The following SLIT2 variants were observed in gnomAD, a reference collection of about 807,000 sequenced individuals.
SLIT2 encodes slit guidance ligand 2.
In SLIT2, 41 loss-of-function variants were observed where a neutral mutation model predicts 185.7. The observed-to-expected ratio is 0.22, with a 90% CI of 0.17 to 0.29. The LOEUF (loss-of-function observed/expected upper bound fraction) is 0.29, where lower values mean the gene tolerates loss of function less well. SLIT2 is among the 10% of genes least tolerant of loss of function. The pLI is 1.00. For synonymous variants in SLIT2, 693 were observed against 680.2 expected (o/e 1.02, Z -0.29); for missense variants, 1,571 against 1,909.0 (o/e 0.82, Z 3.30).
intron 28 of SLIT2, among the ~76,000 whole-genome samples, chr4:20,568,192 C>G (rs1232898692): frequency 6.6e-6 from 1 of 151,986 alleles, no homozygotes; most frequent in Non-Finnish European, 1.5e-5. Flanking sequence ...CATAAGAATG[C>G]TAATATACTA....
In SLIT2 at chr4:20,539,496, A is replaced by G; in HGVS notation, c.1888A>G (p.Ser630Gly). 6.2e-7 allele frequency: 1 copy of G among 1,613,790 alleles called. No homozygotes were observed. Among genetic ancestry groups the G allele is most frequent in the Non-Finnish European group, 8.5e-7 (1 of 1,179,790 alleles). Residue 630 changes from serine to glycine, a missense_variant, in exon 19 of 37, where the codon AGT becomes GGT. Ser to Gly is a moderately conservative substitution (Grantham distance 56, BLOSUM62 0). Around this residue, in one of 3 missense-constraint regions of SLIT2, gnomAD observed 1,202 missense variants for 1,416.4 expected, o/e 0.85. Transcript: ENST00000504154. ...GGGGAATGACAGTTTCATAGGACTC[A>G]GTTCTGTGCGTTTGCTTTCTTTGTA... ...CVGNDSFIGL[S>G]SVRLLSLYDN...
intron 18 of SLIT2, among the ~76,000 whole-genome samples, chr4:20,536,574 A>C (rs189598523): frequency 0.083 from 12,437 of 149,088 alleles, 718 homozygotes; most frequent in Non-Finnish European, 0.12. Context: ...AAAAAAAAAA[A>C]AAAAACAAAA....
At chr4:20,286,567 C>T (rs954481764) in intron 4 of SLIT2, among the ~76,000 whole-genome samples, 22 of 152,034 alleles carry the variant, frequency 1.4e-4, no homozygotes, top group Non-Finnish European at 2.5e-4. Context: ...TTTGGGAGGC[C>T]GAGGTGGATG....
chr4:20,276,228 T>G (rs1186218989), intron 4 of SLIT2, among the ~76,000 whole-genome samples: 2 of 152,198 alleles, frequency 1.3e-5, no homozygotes, highest in Admixed American at 6.5e-5. Flanking sequence ...CGTTTTGTTT[T>G]GTTCTTTTTT....
intron 5 of SLIT2, among the ~76,000 whole-genome samples, chr4:20,471,445 C>CAGT (rs1459333067): frequency 2.6e-5 from 4 of 152,022 alleles, no homozygotes; most frequent in Admixed American, 2.6e-4. Context: ...GAAGAAGGTA[C>CAGT]AGTACTTCAT....
intron 29 of SLIT2, chr4:20,573,192 A>G (rs767645990): frequency 2.8e-6 from 2 of 702,880 alleles, no homozygotes; most frequent in Non-Finnish European, 5.2e-6. Context: ...TTGTATTGCA[A>G]TGTAAAAAGT....
chr4:20,358,367 G>A (rs901600511), intron 4 of SLIT2, among the ~76,000 whole-genome samples: 47 of 152,212 alleles, frequency 3.1e-4, no homozygotes, highest in South Asian at 1.2e-3. Context: ...TATTTTTAAC[G>A]CAAACTAATT....
At chr4:20,589,212 A>T (rs1727307929) in intron 29 of SLIT2, among the ~76,000 whole-genome samples, 2 of 152,166 alleles carry the variant, frequency 1.3e-5, no homozygotes, top group Admixed American at 1.3e-4. Context: ...GGGTGCTGGT[A>T]CATGGTGTGT....
intron 11 of SLIT2, 36 bp from the exon 12 acceptor site, chr4:20,519,346 G>A: frequency 9.8e-7 from 1 of 1,016,782 alleles, no homozygotes; most frequent in Non-Finnish European, 1.6e-6. Context: ...TGCAGGTTTG[G>A]TGTCTAATTT....
chr4:20,468,492 A>G (rs115204064), intron 5 of SLIT2, among the ~76,000 whole-genome samples: 1,732 of 152,114 alleles, frequency 0.011, 28 homozygotes, highest in African/African-American at 0.039. Context: ...GCATTTCTGT[A>G]TTTTCCTTTG....
chr4:20,270,233 A>T (rs1713462450), intron 4 of SLIT2, among the ~76,000 whole-genome samples: 1 of 151,962 alleles, frequency 6.6e-6, no homozygotes, highest in Non-Finnish European at 1.5e-5. Context: ...AAAGGGCCAT[A>T]GAATTGGTTT....
At position 20,567,622 on chromosome 4, in the gene SLIT2, C is replaced by A; in HGVS notation, c.2948+7C>A. ...GAGAAGAAGATGGATTCTGGTAGGT[C>A]ATTAGTCTATGACCATCTGTGTCTG... On this transcript the variant is annotated splice_region_variant and intron_variant, in intron 28 of 36. Transcript: ENST00000504154. 1 of 1,597,432 alleles carries A rather than the reference C, an allele frequency of 6.3e-7. No individual in the cohort carries two copies. Among genetic ancestry groups the A allele is most frequent in the South Asian group, 1.1e-5 (1 of 90,688 alleles).
At chr4:20,426,541 G>T (rs1167083755) in intron 4 of SLIT2, among the ~76,000 whole-genome samples, 2 of 152,144 alleles carry the variant, frequency 1.3e-5, no homozygotes, top group Non-Finnish European at 2.9e-5. Flanking sequence ...AGGATCTAGA[G>T]GTTGACAGGT....
intron 30 of SLIT2, among the ~76,000 whole-genome samples, chr4:20,594,435 TAAACTC>T (rs1373743922): frequency 6.6e-6 from 1 of 151,850 alleles, no homozygotes; most frequent in Non-Finnish European, 1.5e-5. Flanking sequence ...AACCCTCTCT[TAAACTC>T]AAATCAAAAA....
At chr4:20,304,745 T>C (rs76866026) in intron 4 of SLIT2, among the ~76,000 whole-genome samples, 2,831 of 152,114 alleles carry the variant, frequency 0.019, 93 homozygotes, top group East Asian at 0.13. Context: ...GCTCAGGCCA[T>C]TTTGTAACTT....
rs750108165 is a variant in SLIT2, at chr4:20,541,587, A to T, written c.2111A>T (p.Asp704Val). 1.9e-6 allele frequency: 3 copies of T among 1,613,952 alleles called. No homozygotes were observed. The highest frequency in any genetic ancestry group is 8.5e-7 in the Non-Finnish European group (1 of 1,179,938). Residue 704 changes from aspartate to valine, a missense_variant, in exon 20 of 37, where the codon GAT becomes GTT. Transcript: ENST00000504154. Reference protein sequence around the residue: ...PYFLKEIPIQDVAIQDFTCDD... With the variant: ...PYFLKEIPIQVVAIQDFTCDD... Reference sequence around the variant, plus strand: ...TTCCTGAAAGAAATACCCATCCAGGATGTGGCCATTCAGGACTTCACTTGT... The same window carrying T: ...TTCCTGAAAGAAATACCCATCCAGGTTGTGGCCATTCAGGACTTCACTTGT...
chr4:20,565,035 G>A (rs1408572342), intron 26 of SLIT2, among the ~76,000 whole-genome samples: 4 of 152,008 alleles, frequency 2.6e-5, no homozygotes, highest in Middle Eastern at 3.4e-3. Flanking sequence ...CAGTATACTC[G>A]ATTAAATTCT....
intron 4 of SLIT2, among the ~76,000 whole-genome samples, chr4:20,363,059 C>T (rs1193967633): frequency 2.6e-5 from 4 of 151,806 alleles, no homozygotes; most frequent in Non-Finnish European, 5.9e-5. Flanking sequence ...TCAAAGCAAC[C>T]GAATAACAGT....
rs1038641155 is a variant in SLIT2 at position 20,253,564 on chromosome 4, C to T, written c.-252C>T. On this transcript the variant is annotated 5_prime_UTR_variant, in exon 1 of 37. Coordinates refer to ENST00000504154, the MANE Select transcript of SLIT2 (RefSeq NM_004787.4). ...GGGTCTCCTTGCAGCCCTGGCCAGG[C>T]GGATTCATCCTCAGGACCTAAAGTT... The T allele has an allele frequency of 3.6e-6, 2 of 557,464 alleles. No individual in the cohort carries two copies. The highest frequency in any genetic ancestry group is 6.4e-6 in the Non-Finnish European group (2 of 311,896). 34.5% of individuals were successfully genotyped at this position (557,464 alleles called of 1,614,324 possible).
Sources: allele counts gnomAD v4.1 joint callset (sites outside exome capture counted in the v4.1 genomes callset), GRCh38; gene constraint gnomAD v4.1.1; regional missense constraint gnomAD v4.1.1; transcripts MANE v1.5; gene names NCBI Gene and HGNC (gene_info 2026-07-23, HGNC 2026-07-21).